NXPE2: variants seen among roughly 807,000 people sequenced by gnomAD.
NXPE2 encodes the protein NXPE family member 2.
In NXPE2, 34 loss-of-function variants were observed where a neutral mutation model predicts 34.4. The ratio of observed to expected loss-of-function variants is 0.99; its 90% CI spans 0.75 to 1.31. The LOEUF (loss-of-function observed/expected upper bound fraction) is 1.31, where lower values mean the gene tolerates loss of function less well. NXPE2 is among the 40% of genes most tolerant of loss of function. NXPE2 has a pLI of 0.00. For synonymous variants in NXPE2, 235 were observed against 231.3 expected, an observed-to-expected ratio of 1.02 and a Z score of -0.15; for missense variants, 649 against 672.5, an observed-to-expected ratio of 0.97 and a Z score of 0.39.
the NXPE2 span, chr11:114,528,025 G>A: frequency 1.1e-5 from 7 of 625,380 alleles, no homozygotes; most frequent in Admixed American, 9.5e-5. Context: ...TATTATTGTT[G>A]TAAATTTTAG....
chr11:114,626,759 T>G, the NXPE2 span, among the ~76,000 whole-genome samples: 4 of 152,204 alleles, frequency 2.6e-5, no homozygotes, highest in East Asian at 7.7e-4. Context: ...GCAAAGAAGT[T>G]GAAAACTTTG....
At chr11:114,628,928 T>C in the NXPE2 span, among the ~76,000 whole-genome samples, 4 of 151,900 alleles carry the variant, frequency 2.6e-5, no homozygotes, top group East Asian at 5.8e-4. Flanking sequence ...CTAGAAGAAA[T>C]GGATAAATTC....
At chr11:114,753,325 A>G in the NXPE2 span, among the ~76,000 whole-genome samples, 43 of 152,274 alleles carry the variant, frequency 2.8e-4, no homozygotes, top group African/African-American at 9.6e-4. Flanking sequence ...CCCAGGAAGT[A>G]TAGGCTGCAG....
chr11:114,513,952 G>T, the NXPE2 span, among the ~76,000 whole-genome samples: 1 of 152,130 alleles, frequency 6.6e-6, no homozygotes, highest in Non-Finnish European at 1.5e-5. Context: ...ATGAAGTGTG[G>T]AAATAAATTT....
chr11:114,663,477 C>T, the NXPE2 span, among the ~76,000 whole-genome samples: 1 of 151,966 alleles, frequency 6.6e-6, no homozygotes, highest in African/African-American at 2.4e-5. Flanking sequence ...CTAATGGAAG[C>T]CAAGAGCATG....
chr11:114,598,724 T>G, the NXPE2 span, among the ~76,000 whole-genome samples: 116 of 152,230 alleles, frequency 7.6e-4, no homozygotes, highest in Admixed American at 1.2e-3. Context: ...GTTTTGAGGC[T>G]GTGCAGGGTG....
the NXPE2 span, among the ~76,000 whole-genome samples, chr11:114,793,241 C>A: frequency 6.6e-6 from 1 of 152,096 alleles, no homozygotes; most frequent in Non-Finnish European, 1.5e-5. Flanking sequence ...CTTCAATTTT[C>A]CTTCAGTTGT....
chr11:114,586,322 G>A, the NXPE2 span, among the ~76,000 whole-genome samples: 1 of 152,182 alleles, frequency 6.6e-6, no homozygotes, highest in South Asian at 2.1e-4. Context: ...TATCCCAGAT[G>A]AAAAATGCCA....
chr11:114,485,572 T>A, the NXPE2 span, among the ~76,000 whole-genome samples: 1 of 151,958 alleles, frequency 6.6e-6, no homozygotes, highest in East Asian at 1.9e-4. Context: ...TTGACTATAG[T>A]CACCCTGTTG....
At chr11:114,627,710 A>T in the NXPE2 span, among the ~76,000 whole-genome samples, 1 of 152,160 alleles carries the variant, frequency 6.6e-6, no homozygotes, top group East Asian at 1.9e-4. Context: ...CTCCAATTAA[A>T]AGACACAGAT....
chr11:114,569,072 G>T, the NXPE2 span, among the ~76,000 whole-genome samples: 1 of 152,056 alleles, frequency 6.6e-6, no homozygotes, highest in Non-Finnish European at 1.5e-5. Flanking sequence ...ATCTCCTGCT[G>T]CCCCCAAAAA....
At chr11:114,662,457 C>T in the NXPE2 span, among the ~76,000 whole-genome samples, 1 of 152,170 alleles carries the variant, frequency 6.6e-6, no homozygotes, top group African/African-American at 2.4e-5. Flanking sequence ...ACTTGAAAGA[C>T]AGTCTAGGCC....
the NXPE2 span, chr11:114,529,139 G>C: frequency 8.1e-6 from 2 of 248,368 alleles, no homozygotes; most frequent in Admixed American, 1.1e-4. Flanking sequence ...CTGCTAGAAA[G>C]GGATTTCTGT....
At chr11:114,812,165 C>T in the NXPE2 span, among the ~76,000 whole-genome samples, 2 of 152,128 alleles carry the variant, frequency 1.3e-5, no homozygotes, top group African/African-American at 2.4e-5. Flanking sequence ...AAGATTAGTC[C>T]TAGCGCCTGG....
chr11:114,517,746 G>A, the NXPE2 span: 4 of 152,232 alleles, frequency 2.6e-5, no homozygotes, highest in Admixed American at 2.0e-4. Flanking sequence ...ACCAGAGGTT[G>A]GGGGTCAGGA....
chr11:114,629,719 G>A, the NXPE2 span, among the ~76,000 whole-genome samples: 294 of 151,906 alleles, frequency 1.9e-3, 5 homozygotes, highest in Admixed American at 0.018. Flanking sequence ...TAGGAAAAGA[G>A]GAAGTCAAAT....
chr11:114,792,144 G>T, the NXPE2 span, among the ~76,000 whole-genome samples: 2 of 152,204 alleles, frequency 1.3e-5, no homozygotes, highest in African/African-American at 4.8e-5. Flanking sequence ...GCTTTGTAAA[G>T]TTCCATGGGC....
At chr11:114,668,637 G>A in the NXPE2 span, among the ~76,000 whole-genome samples, 1 of 151,976 alleles carries the variant, frequency 6.6e-6, no homozygotes, top group Admixed American at 6.6e-5. Flanking sequence ...AGAGCAAGTG[G>A]GGAAAAGGAA....
At chr11:114,632,960 A>G in the NXPE2 span, among the ~76,000 whole-genome samples, 2 of 102,224 alleles carry the variant, frequency 2.0e-5, no homozygotes, top group Non-Finnish European at 3.5e-5. Flanking sequence ...TATTTTATAT[A>G]ATTATATATT....
Sources: gnomAD v4.1 joint callset for allele counts (sites outside exome capture counted in the v4.1 genomes callset) on GRCh38, gnomAD v4.1.1 for gene constraint, MANE v1.5 for transcripts, NCBI Gene and HGNC (gene_info 2026-07-23, HGNC 2026-07-21) for gene names.